The following SPOCK3 variants were observed in gnomAD, a reference collection of about 807,000 sequenced individuals.
SPOCK3 encodes the protein testican-3.
SPOCK3 carries 30 observed loss-of-function variants against 56.6 expected under a neutral mutation model. That is an observed-to-expected ratio of 0.53 (90% CI 0.40 to 0.72). The LOEUF is 0.72. SPOCK3 is among the 30% of genes least tolerant of loss of function. The pLI is 0.00. For missense variants in SPOCK3, 527 were observed against 530.0 expected (o/e 0.99, Z 0.06); for synonymous variants, 196 against 183.3 (o/e 1.07, Z -0.56).
In SPOCK3 at chr4:166,789,957, A is replaced by T. The variant is rs572193183; in HGVS notation, c.709+2213T>A. ...GCTTGTAATCTTTCTCACAGAAATAAAAGCATAAAAATTGACTACAGTAAT... is the reference window on the plus strand; with the variant it reads ...GCTTGTAATCTTTCTCACAGAAATATAAGCATAAAAATTGACTACAGTAAT... On this transcript the variant is annotated intron_variant, in intron 7 of 10. Coordinates refer to ENST00000357545, the MANE Select transcript of SPOCK3 (RefSeq NM_001040159.2). Among the ~76,000 whole-genome samples, 10 of 152,288 alleles carry T rather than the reference A, an allele frequency of 6.6e-5. No individual in the cohort carries two copies. The East Asian group carries it at 1.9e-3, about 29-fold the overall frequency.
At chr4:166,905,801 T>C (rs1388569006) in intron 5 of SPOCK3, among the ~76,000 whole-genome samples, 1 of 151,994 alleles carries the variant, frequency 6.6e-6, no homozygotes, top group Admixed American at 6.6e-5. Flanking sequence ...CAAGTCAGTA[T>C]AGAAAATTAA....
chr4:167,017,498 G>A (rs1393368804), intron 3 of SPOCK3, among the ~76,000 whole-genome samples: 1 of 152,096 alleles, frequency 6.6e-6, no homozygotes, highest in Non-Finnish European at 1.5e-5. Flanking sequence ...TAGAGGCCAT[G>A]ATAGATAATT....
At chr4:167,054,105 G>T (rs901175300) in intron 3 of SPOCK3, among the ~76,000 whole-genome samples, 2 of 152,134 alleles carry the variant, frequency 1.3e-5, no homozygotes, top group Non-Finnish European at 2.9e-5. Flanking sequence ...GACACCTAGA[G>T]ATTTATGATA....
chr4:166,799,211 T>C (rs1742285464), intron 6 of SPOCK3, among the ~76,000 whole-genome samples: 1 of 152,160 alleles, frequency 6.6e-6, no homozygotes, highest in Non-Finnish European at 1.5e-5. Flanking sequence ...GCCCGTCTGA[T>C]TTGCTACGTG....
At chr4:166,787,783 C>A (rs1366235758) in intron 7 of SPOCK3, among the ~76,000 whole-genome samples, 6 of 152,090 alleles carry the variant, frequency 3.9e-5, no homozygotes, top group Non-Finnish European at 7.4e-5. Context: ...TTAAATATAA[C>A]ATAGCTTACA....
At chr4:167,065,115 A>C (rs1756007896) in intron 2 of SPOCK3, among the ~76,000 whole-genome samples, 1 of 149,630 alleles carries the variant, frequency 6.7e-6, no homozygotes, top group African/African-American at 2.5e-5. Context: ...TAAATGCAAG[A>C]AGAAAAAATG....
At chr4:167,220,915 A>G (rs2111099405) in intron 2 of SPOCK3, among the ~76,000 whole-genome samples, 1 of 152,326 alleles carries the variant, frequency 6.6e-6, no homozygotes, top group Admixed American at 6.5e-5. Context: ...TTCAAGATAT[A>G]CTGATCAAAT....
chr4:167,172,879 C>T lies in SPOCK3; in HGVS notation c.189+61106G>A, dbSNP rs181287289. ...GAAGACTTCAGAGTTTATGCTTTTT[C>T]AAGAGCACATTACTTTAAATAATAT... On this transcript the variant is annotated intron_variant, in intron 2 of 10. Transcript: ENST00000357545. 1.6e-3 allele frequency among the ~76,000 whole-genome samples: 240 copies of T among 152,186 alleles called. 1 individual carries two copies. Among genetic ancestry groups the T allele is most frequent in the African/African-American group, 5.3e-3 (219 of 41,528 alleles).
intron 6 of SPOCK3, among the ~76,000 whole-genome samples, chr4:166,825,499 G>A (rs1164563578): frequency 1.3e-5 from 2 of 151,960 alleles, no homozygotes; most frequent in Non-Finnish European, 2.9e-5. Flanking sequence ...AGAACTAAAA[G>A]TAAAACTACC....
intron 2 of SPOCK3, among the ~76,000 whole-genome samples, chr4:167,216,758 T>C (rs1735404128): frequency 6.6e-6 from 1 of 152,128 alleles, no homozygotes; most frequent in Non-Finnish European, 1.5e-5. Flanking sequence ...CTGAATATTA[T>C]ACACAATTTT....
chr4:166,795,895 T>G (rs1425195586), intron 6 of SPOCK3, among the ~76,000 whole-genome samples: 5 of 152,156 alleles, frequency 3.3e-5, no homozygotes, highest in Non-Finnish European at 5.9e-5. Flanking sequence ...CAGATTCATA[T>G]GTTATAACAT....
chr4:166,974,629 A>G (rs1745750635), intron 4 of SPOCK3, among the ~76,000 whole-genome samples: 1 of 152,052 alleles, frequency 6.6e-6, no homozygotes, highest in Non-Finnish European at 1.5e-5. Context: ...CTCTCCTACC[A>G]AGTTTTCTTA....
intron 4 of SPOCK3, among the ~76,000 whole-genome samples, chr4:166,997,107 C>A (rs1250960309): frequency 6.6e-6 from 1 of 151,718 alleles, no homozygotes. Context: ...GAGAGCTGAA[C>A]GATGAGAACA....
At chr4:167,118,800 T>G (rs1165377064) in intron 2 of SPOCK3, among the ~76,000 whole-genome samples, 1 of 152,208 alleles carries the variant, frequency 6.6e-6, no homozygotes, top group Non-Finnish European at 1.5e-5. Flanking sequence ...TGGCTTCTTT[T>G]GGCTATTTTG....
At chr4:167,220,950 T>C (rs1480962948) in intron 2 of SPOCK3, among the ~76,000 whole-genome samples, 1 of 152,158 alleles carries the variant, frequency 6.6e-6, no homozygotes, top group Non-Finnish European at 1.5e-5. Flanking sequence ...GGTGATTCTG[T>C]ATAAAGGACA....
intron 2 of SPOCK3, among the ~76,000 whole-genome samples, chr4:167,098,216 C>T (rs941579828): frequency 1.3e-5 from 2 of 151,930 alleles, no homozygotes; most frequent in African/African-American, 4.8e-5. Flanking sequence ...TTCCCCTCCA[C>T]CTGCTAGAAC....
rs1039559837 is a variant in SPOCK3 at position 166,952,966 on chromosome 4, A to G, written c.351-40223T>C. Among the ~76,000 whole-genome samples the G allele has an allele frequency of 1.1e-3, 166 of 151,178 alleles. 1 individual carries two copies. Among genetic ancestry groups the G allele is most frequent in the African/African-American group, 3.7e-3 (151 of 40,798 alleles). On this transcript the variant is annotated intron_variant, in intron 4 of 10. Transcript: ENST00000357545. ...GATTAAAGACTTAAACGTTAGACCT[A>G]AAACCATAAAAACCCTAGAAGAAAA...
At chr4:167,084,126 A>G (rs1757970430) in intron 2 of SPOCK3, among the ~76,000 whole-genome samples, 1 of 152,096 alleles carries the variant, frequency 6.6e-6, no homozygotes, top group Non-Finnish European at 1.5e-5. Context: ...GCTAACATAC[A>G]TGTACAAGAG....
At chr4:166,944,674 C>A (rs1479559507) in intron 4 of SPOCK3, among the ~76,000 whole-genome samples, 2 of 152,072 alleles carry the variant, frequency 1.3e-5, no homozygotes, top group African/African-American at 4.8e-5. Flanking sequence ...GCAACTTTGG[C>A]AGGAGTATCA....
Sources: gnomAD v4.1 joint callset for allele counts (sites outside exome capture counted in the v4.1 genomes callset) on GRCh38, gnomAD v4.1.1 for gene constraint, MANE v1.5 for transcripts, NCBI Gene and HGNC (gene_info 2026-07-23, HGNC 2026-07-21) for gene names.